NRXN1: variants seen among roughly 807,000 people sequenced by gnomAD.
NRXN1 encodes neurexin 1.
A neutral mutation model predicts 150.9 loss-of-function variants in NRXN1; 39 were observed. The ratio of observed to expected loss-of-function variants is 0.26; its 90% CI spans 0.20 to 0.34. The LOEUF (loss-of-function observed/expected upper bound fraction) is 0.34, where lower values mean the gene tolerates loss of function less well. Ranked by LOEUF, NRXN1 falls within the 10% of genes least tolerant of loss-of-function variation. NRXN1 has a pLI of 1.00. For synonymous variants in NRXN1, 924 were observed against 757.0 expected, an observed-to-expected ratio of 1.22 and a Z score of -3.62; for missense variants, 1,815 against 1,949.9, an observed-to-expected ratio of 0.93 and a Z score of 1.30.
intron 5 of NRXN1, among the ~76,000 whole-genome samples, chr2:50,881,266 C>A (rs1442107546): frequency 6.6e-6 from 1 of 151,892 alleles, no homozygotes; most frequent in Non-Finnish European, 1.5e-5. Flanking sequence ...CTTTAGCAAT[C>A]TATTCCCCTT....
intron 18 of NRXN1, among the ~76,000 whole-genome samples, chr2:50,107,667 G>A (rs763178715): frequency 2.7e-5 from 4 of 150,742 alleles, no homozygotes; most frequent in Admixed American, 2.0e-4. Flanking sequence ...GGATTAATTA[G>A]GCAGTTAATA....
intron 19 of NRXN1, among the ~76,000 whole-genome samples, chr2:50,069,379 A>T (rs1171614097): frequency 6.6e-6 from 1 of 152,182 alleles, no homozygotes; most frequent in Non-Finnish European, 1.5e-5. Context: ...GGTCCCAGGT[A>T]TCAGATGGTG....
At chr2:50,939,727 A>C (rs545885905) in intron 2 of NRXN1, among the ~76,000 whole-genome samples, 1 of 152,320 alleles carries the variant, frequency 6.6e-6, no homozygotes, top group African/African-American at 2.4e-5. Flanking sequence ...CTCTAATTAA[A>C]ACAATTCAAA....
chr2:50,453,859 C>T (rs2087244132), intron 17 of NRXN1, among the ~76,000 whole-genome samples: 1 of 152,106 alleles, frequency 6.6e-6, no homozygotes, highest in Non-Finnish European at 1.5e-5. Context: ...TGGAAAAATA[C>T]TTCAAGAGTG....
At chr2:50,103,197 A>G (rs949989613) in intron 18 of NRXN1, among the ~76,000 whole-genome samples, 5 of 152,112 alleles carry the variant, frequency 3.3e-5, no homozygotes, top group African/African-American at 1.2e-4. Context: ...TACAATGTCA[A>G]AAAAGATTCA....
chr2:50,038,482 A>G (rs1690391541), intron 21 of NRXN1, among the ~76,000 whole-genome samples: 1 of 152,162 alleles, frequency 6.6e-6, no homozygotes, highest in Admixed American at 6.6e-5. Context: ...GTGAGCTTGA[A>G]AGTGAATGGC....
rs112204521 is a variant in NRXN1, at chr2:50,164,972, A to T, written c.3546+71817T>A. 5.5e-3 allele frequency among the ~76,000 whole-genome samples: 842 copies of T among 152,256 alleles called. 11 individuals carry two copies. The highest frequency in any genetic ancestry group is 0.019 in the African/African-American group (791 of 41,552). ...TGATCCCTGTGGCTTGAGGCTATAC[A>T]TGAGGAGAGAGAGGTGTCTACTCCT... is the stretch of plus-strand genomic sequence containing the variant. On this transcript the variant is annotated intron_variant, in intron 18 of 22. Coordinates refer to ENST00000401669, the MANE Select transcript of NRXN1 (RefSeq NM_001330078.2).
chr2:50,617,220 G>C (rs935557669), intron 8 of NRXN1, among the ~76,000 whole-genome samples: 1 of 151,980 alleles, frequency 6.6e-6, no homozygotes, highest in African/African-American at 2.4e-5. Flanking sequence ...GATCACTTGA[G>C]GTCAGTAGTT....
chr2:50,834,591 A>C (rs1355270957), intron 5 of NRXN1, among the ~76,000 whole-genome samples: 2 of 152,228 alleles, frequency 1.3e-5, no homozygotes, highest in Non-Finnish European at 2.9e-5. Context: ...GTGATCTCAG[A>C]AAATCTGAAT....
intron 5 of NRXN1, among the ~76,000 whole-genome samples, chr2:50,775,412 A>T (rs544877927): frequency 2.6e-5 from 4 of 152,240 alleles, no homozygotes; most frequent in African/African-American, 9.6e-5. Context: ...CTCACTGATG[A>T]ATTTAGATTC....
chr2:49,986,657 C>T (rs1038630300), intron 21 of NRXN1, among the ~76,000 whole-genome samples: 2 of 152,118 alleles, frequency 1.3e-5, no homozygotes, highest in African/African-American at 4.8e-5. Flanking sequence ...TATTTTGATA[C>T]ATGCATACAA....
intron 18 of NRXN1, among the ~76,000 whole-genome samples, chr2:50,171,609 G>T (rs2060035942): frequency 6.6e-6 from 1 of 152,042 alleles, no homozygotes; most frequent in Non-Finnish European, 1.5e-5. Flanking sequence ...TCAGGCAAAA[G>T]AGAAAAGGGG....
intron 2 of NRXN1, among the ~76,000 whole-genome samples, chr2:50,964,782 A>T (rs1250555016): frequency 6.6e-6 from 1 of 151,462 alleles, no homozygotes; most frequent in Non-Finnish European, 1.5e-5. Flanking sequence ...TTGTTAAATA[A>T]CCAGGTATTA....
Position 50,189,769 on chromosome 2 carries a change from A to G in NRXN1, c.3546+47020T>C, listed in dbSNP as rs183807908. Among the ~76,000 whole-genome samples, 10 of 152,290 alleles carry G rather than the reference A, an allele frequency of 6.6e-5. No individual in the cohort carries two copies. The East Asian group carries it at 9.7e-4, about 15-fold the overall frequency. On this transcript the variant is annotated intron_variant, in intron 18 of 22. Transcript: ENST00000401669. The stretch of plus-strand genomic sequence containing the variant: ...AACACCACTTTACTGTTCATTTTAT[A>G]TACAATAGATCTGAACTCTAAGAGG...
intron 5 of NRXN1, among the ~76,000 whole-genome samples, chr2:50,899,541 G>A (rs1682579749): frequency 6.6e-6 from 1 of 152,120 alleles, no homozygotes; most frequent in South Asian, 2.1e-4. Context: ...GGGTAACCCT[G>A]TGAAGTAACA....
intron 14 of NRXN1, among the ~76,000 whole-genome samples, chr2:50,496,823 T>C (rs1363339480): frequency 6.6e-6 from 1 of 152,176 alleles, no homozygotes; most frequent in Non-Finnish European, 1.5e-5. Flanking sequence ...AATGCTGAAA[T>C]CAATTAAAAT....
chr2:50,647,401 C>A (rs918049617), intron 5 of NRXN1, among the ~76,000 whole-genome samples: 1 of 151,864 alleles, frequency 6.6e-6, no homozygotes, highest in East Asian at 1.9e-4. Flanking sequence ...ATCTATGGAA[C>A]TGAAAATCAG....
chr2:49,990,273 A>G (rs1485882424), intron 21 of NRXN1, among the ~76,000 whole-genome samples: 1 of 152,126 alleles, frequency 6.6e-6, no homozygotes, highest in Non-Finnish European at 1.5e-5. Context: ...AGGCCCTAAG[A>G]TAAGAAAGAG....
intron 15 of NRXN1, among the ~76,000 whole-genome samples, chr2:50,484,153 G>A (rs950711817): frequency 3.3e-5 from 5 of 152,154 alleles, no homozygotes; most frequent in African/African-American, 7.2e-5. Context: ...GGACAAAGTA[G>A]TATAAAGCAC....
Sources: gnomAD v4.1 joint callset for allele counts (sites outside exome capture counted in the v4.1 genomes callset) on GRCh38, gnomAD v4.1.1 for gene constraint, MANE v1.5 for transcripts, NCBI Gene and HGNC (gene_info 2026-07-23, HGNC 2026-07-21) for gene names.